Variants in CENPC observed in about 807,000 individuals in gnomAD.
CENPC encodes the protein CENP-C 1.
In CENPC, 63 loss-of-function variants were observed where a neutral mutation model predicts 112.1. The ratio of observed to expected loss-of-function variants is 0.56; its 90% CI spans 0.46 to 0.69. The LOEUF (loss-of-function observed/expected upper bound fraction) is 0.69, where lower values mean the gene tolerates loss of function less well. Ranked by LOEUF, CENPC falls within the 30% of genes least tolerant of loss-of-function variation. The probability of loss-of-function intolerance (pLI) is 0.00; values close to 1 mark genes in which losing one functional copy is unlikely to be tolerated. For missense variants in CENPC, 1,000 were observed against 1,103.8 expected (o/e 0.91, Z 1.33); for synonymous variants, 333 against 367.6 (o/e 0.91, Z 1.08).
chr4:67,481,214 A>T (rs1186052498), intron 17 of CENPC, among the ~76,000 whole-genome samples: 1 of 152,062 alleles, frequency 6.6e-6, no homozygotes, highest in African/African-American at 2.4e-5. Context: ...TAATAATAAT[A>T]ATTTGGAATA....
chr4:67,534,158 G>A (rs1726643070), intron 4 of CENPC, among the ~76,000 whole-genome samples: 1 of 152,200 alleles, frequency 6.6e-6, no homozygotes, highest in Non-Finnish European at 1.5e-5. Flanking sequence ...GCTCACACCT[G>A]TAATCCCCAT....
chr4:67,512,760 T>A (rs1382959371), intron 8 of CENPC, among the ~76,000 whole-genome samples, 191 bp from the exon 9 acceptor site: 1 of 152,096 alleles, frequency 6.6e-6, no homozygotes, highest in Non-Finnish European at 1.5e-5. Flanking sequence ...AGCACTAACT[T>A]CCTATTAAAT....
intron 5 of CENPC, among the ~76,000 whole-genome samples, chr4:67,528,150 C>A (rs1726438743): frequency 6.6e-6 from 1 of 151,796 alleles, no homozygotes. Flanking sequence ...TTGGTAAGTG[C>A]TGAATTAAAA....
intron 4 of CENPC, among the ~76,000 whole-genome samples, chr4:67,533,750 G>A (rs1726629144): frequency 6.6e-6 from 1 of 152,064 alleles, no homozygotes; most frequent in Non-Finnish European, 1.5e-5. Flanking sequence ...CTAAAAAAAA[G>A]GGGCAGGCCA....
chr4:67,489,093 G>T (rs571114417), intron 17 of CENPC, among the ~76,000 whole-genome samples: 24 of 151,906 alleles, frequency 1.6e-4, no homozygotes, highest in African/African-American at 5.5e-4. Flanking sequence ...CTGGTATAAT[G>T]TTAAATATTC....
chr4:67,490,061 T>A lies in CENPC; in HGVS notation c.2576A>T (p.Tyr859Phe). Residue 859 changes from tyrosine (Y) to phenylalanine (F), a missense_variant, in exon 17 of 19, where the codon TAC (tyrosine) becomes TTC (phenylalanine). By Grantham distance (22) the Tyr-to-Phe change is conservative (BLOSUM62 3). Transcript: ENST00000273853. ...FFVKHGELKV[Y>F]KTLDTPFFST... ...AAAAAAGGGTGTATCCAATGTCTTG[T>A]ATACCTTCAACTCACCATGCTTAAC... The A allele has an allele frequency of 6.2e-7, 1 of 1,610,042 alleles. No individual in the cohort carries two copies. Among genetic ancestry groups the A allele is most frequent in the Non-Finnish European group, 8.5e-7 (1 of 1,177,620 alleles).
chr4:67,528,276 G>A (rs1193530222), intron 5 of CENPC, among the ~76,000 whole-genome samples: 1 of 152,132 alleles, frequency 6.6e-6, no homozygotes, highest in Admixed American at 6.5e-5. Context: ...CTAGGAGGGA[G>A]GGGAGAATGG....
At chr4:67,506,005 C>T (rs984567378) in intron 11 of CENPC, among the ~76,000 whole-genome samples, 4 of 152,084 alleles carry the variant, frequency 2.6e-5, no homozygotes, top group Admixed American at 6.6e-5. Flanking sequence ...GATGATTCAG[C>T]CTCTCCTAGT....
chr4:67,525,536 G>A (rs1478377174), intron 5 of CENPC, among the ~76,000 whole-genome samples: 7 of 152,096 alleles, frequency 4.6e-5, no homozygotes, highest in Non-Finnish European at 1.0e-4. Flanking sequence ...CTCAGAAGAA[G>A]ACATTTACAC....
chr4:67,489,076 T>G (rs1278362148), intron 17 of CENPC, among the ~76,000 whole-genome samples: 1 of 151,982 alleles, frequency 6.6e-6, no homozygotes, highest in Non-Finnish European at 1.5e-5. Flanking sequence ...GCTATATTTT[T>G]TAACTGCTGG....
intron 17 of CENPC, among the ~76,000 whole-genome samples, chr4:67,481,926 C>T (rs569075790): frequency 6.6e-6 from 1 of 152,250 alleles, no homozygotes; most frequent in South Asian, 2.1e-4. Context: ...AAAGCTTCTG[C>T]ACAGCCAAAG....
intron 12 of CENPC, among the ~76,000 whole-genome samples, chr4:67,499,109 C>T (rs1725519675): frequency 2.0e-5 from 3 of 152,252 alleles, no homozygotes; most frequent in South Asian, 4.1e-4. Context: ...GTGCTGTCAC[C>T]CAGGCTTTGT....
chr4:67,505,607 T>A (rs1251014130), intron 11 of CENPC, among the ~76,000 whole-genome samples: 1 of 152,196 alleles, frequency 6.6e-6, no homozygotes, highest in East Asian at 1.9e-4. Flanking sequence ...ACAATGTAAA[T>A]GCTATGTAAA....
rs937170360 is a variant in CENPC, at chr4:67,545,494, C to A, written c.-139G>T. 2 of 818,796 alleles carry A rather than the reference C, an allele frequency of 2.4e-6. No individual in the cohort carries two copies. Among genetic ancestry groups the A allele is most frequent in the East Asian group, 3.3e-5 (1 of 30,008 alleles). The allele number at this position is 818,796 out of a possible 1,614,324, so 50.7% of individuals were successfully genotyped here. A position where few individuals can be genotyped will look rare whatever the true frequency, so the allele number is the denominator to read the frequency against. ...ATAACCTTAAGTCTCAGGCGACTGC[C>A]GCGAGAGCTGCGATCCGGAAGGCGC... On this transcript the variant is annotated 5_prime_UTR_variant, in exon 1 of 19. Transcript: ENST00000273853.
chr4:67,519,100 CAT>C (rs1726142265), intron 6 of CENPC, 115 bp downstream of exon 6: 1 of 718,864 alleles, frequency 1.4e-6, no homozygotes, highest in Non-Finnish European at 2.2e-6. Context: ...TTTCTCATAA[CAT>C]GTTAATATTC....
intron 12 of CENPC, among the ~76,000 whole-genome samples, chr4:67,496,513 A>G (rs986796504): frequency 3.9e-5 from 6 of 152,224 alleles, no homozygotes; most frequent in Non-Finnish European, 7.3e-5. Context: ...TTCCCTAAAA[A>G]GCAGGTCTGA....
chr4:67,511,255 G>T (rs935927019), intron 9 of CENPC, among the ~76,000 whole-genome samples: 5 of 152,130 alleles, frequency 3.3e-5, no homozygotes, highest in African/African-American at 1.2e-4. Context: ...ATAAATACTT[G>T]CTGCTATCCA....
intron 5 of CENPC, among the ~76,000 whole-genome samples, chr4:67,522,861 G>T (rs190653078): frequency 2.0e-5 from 3 of 152,036 alleles, no homozygotes; most frequent in Admixed American, 1.3e-4. Context: ...TTATGTGGGC[G>T]CAGTGGTGTG....
rs374931553 is a variant in CENPC at position 67,492,879 on chromosome 4, G to A, written c.2409C>T (p.Asn803=). The change falls in exon 15 of 19, where the codon AAC becomes AAT. Residue 803 remains asparagine (N), a synonymous_variant. Transcript: ENST00000273853. ...GAAATAAGTTCATACTTCTTTCATC[G>A]TTATCAAGACAGATCCTTTTCTTAT... is the stretch of plus-strand genomic sequence containing the variant. ...KSNKKRICLD[N]DERKTNLMVN... 36 of 1,554,364 alleles carry A rather than the reference G, an allele frequency of 2.3e-5. No homozygotes were observed. Among genetic ancestry groups the A allele is most frequent in the Middle Eastern group, 1.7e-4 (1 of 5,870 alleles).
Sources: allele counts gnomAD v4.1 joint callset (sites outside exome capture counted in the v4.1 genomes callset), GRCh38; gene constraint gnomAD v4.1.1; transcripts MANE v1.5; gene names NCBI Gene and HGNC (gene_info 2026-07-23, HGNC 2026-07-21).